OOSP4A: variants seen among roughly 807,000 people sequenced by gnomAD.
OOSP4A encodes oocyte secreted protein family member 4A, also known as oocyte-secreted protein 4A.
At chr11:59,966,577 G>A (rs1157623735) in intron 2 of OOSP4A, among the ~76,000 whole-genome samples, 1 of 151,916 alleles carries the variant, frequency 6.6e-6, no homozygotes, top group Non-Finnish European at 1.5e-5. Context: ...CCGTGTTCAA[G>A]CAATTCTCCT....
chr11:59,964,862 AG>A (rs1463947302), intron 1 of OOSP4A, among the ~76,000 whole-genome samples: 2 of 152,122 alleles, frequency 1.3e-5, no homozygotes, highest in African/African-American at 4.8e-5. Context: ...TATTGTGTGC[AG>A]CCAAATGTAA....
intron 4 of OOSP4A, among the ~76,000 whole-genome samples, chr11:59,969,687 A>G (rs1040420371): frequency 3.3e-5 from 5 of 152,240 alleles, no homozygotes; most frequent in Non-Finnish European, 5.9e-5. Context: ...CAAATGAGCC[A>G]TAAGAATATT....
Position 59,965,970 on chromosome 11 carries a change from T to TG in OOSP4A, c.246+258dup, listed in dbSNP as rs199862309. Among the ~76,000 whole-genome samples, 332 of 152,072 alleles carry TG rather than the reference T, an allele frequency of 2.2e-3. 2 individuals carry two copies. The highest frequency in any genetic ancestry group is 7.6e-3 in the African/African-American group (313 of 41,356). On this transcript the variant is annotated intron_variant, in intron 2 of 4. Transcript: ENST00000645590. ...AACATATCTCTTTTGCCTGTGATAG[T>TG]GTTTTTTTTGTTGTTGTTGTTGTTT...
chr11:59,964,529 G>A (rs1854077686), intron 1 of OOSP4A, among the ~76,000 whole-genome samples: 1 of 152,046 alleles, frequency 6.6e-6, no homozygotes, highest in Admixed American at 6.6e-5. Context: ...GTATTCAATT[G>A]TATATGATTC....
chr11:59,966,910 C>T (rs956017160), intron 2 of OOSP4A, among the ~76,000 whole-genome samples, 157 bp from the exon 3 acceptor site: 1 of 152,252 alleles, frequency 6.6e-6, no homozygotes, highest in East Asian at 1.9e-4. Context: ...CTTAGCTCTG[C>T]TCTTCTATTG....
At chr11:59,967,071 A>G in exon 3 of OOSP4A, 1 of 398,180 alleles carries the variant, frequency 2.5e-6, no homozygotes, top group Non-Finnish European at 4.4e-6. Flanking sequence ...CTTTAGGAAC[A>G]TGGAGTAGGT....
chr11:59,969,475 T>A (rs1854134529), intron 4 of OOSP4A, among the ~76,000 whole-genome samples, 191 bp downstream of exon 4: 1 of 152,248 alleles, frequency 6.6e-6, no homozygotes, highest in Admixed American at 6.5e-5. Flanking sequence ...TTTCTCATTA[T>A]TTCCTTACAT....
intron 1 of OOSP4A, among the ~76,000 whole-genome samples, chr11:59,965,158 G>T (rs1854085633): frequency 9.8e-6 from 1 of 102,184 alleles, no homozygotes; most frequent in East Asian, 3.6e-4. Context: ...GGGGAGGGGG[G>T]AGGGGGGAGG....
chr11:59,969,648 A>G (rs1342173461), intron 4 of OOSP4A, among the ~76,000 whole-genome samples: 1 of 152,176 alleles, frequency 6.6e-6, no homozygotes, highest in Non-Finnish European at 1.5e-5. Flanking sequence ...TTTTGTTCTA[A>G]AAGAACTAAA....
chr11:59,966,731 T>G (rs1347853827), intron 2 of OOSP4A, among the ~76,000 whole-genome samples: 3 of 152,070 alleles, frequency 2.0e-5, no homozygotes, highest in Non-Finnish European at 4.4e-5. Flanking sequence ...ACCTCTGCCT[T>G]CCAAAGCGCT....
chr11:59,969,881 T>C (rs1038807220), intron 4 of OOSP4A, among the ~76,000 whole-genome samples, 168 bp from the exon 5 acceptor site: 4 of 152,210 alleles, frequency 2.6e-5, no homozygotes, highest in Admixed American at 1.3e-4. Flanking sequence ...TATACATGTG[T>C]ATATATCGTA....
rs940451818 is a variant in OOSP4A at position 59,965,186 on chromosome 11, T to C, written c.68-349T>C. Among the ~76,000 whole-genome samples the C allele has an allele frequency of 2.7e-5, 4 of 149,476 alleles. No homozygotes were observed. The South Asian group carries it at 6.5e-4, about 24-fold the overall frequency. ...GGGGGAGGGATAGCATTAGGAGATATACCTAATGTTAAATGACGAGTTAAT... is the reference window on the plus strand; with the variant it reads ...GGGGGAGGGATAGCATTAGGAGATACACCTAATGTTAAATGACGAGTTAAT... On this transcript the variant is annotated intron_variant, in intron 1 of 4. Coordinates refer to ENST00000645590, the Ensembl canonical transcript of OOSP4A.
rs535169007 is a variant in OOSP4A, at chr11:59,966,312, A to G, written c.246+599A>G. ...TTGGATCCAAGTACATGACTTTATC[A>G]TTTGTTTGCTGCTGTATCTCTAGTC... On this transcript the variant is annotated intron_variant, in intron 2 of 4. Coordinates refer to ENST00000645590, the Ensembl canonical transcript of OOSP4A. Among the ~76,000 whole-genome samples, 10 of 151,408 alleles carry G rather than the reference A, an allele frequency of 6.6e-5. No homozygotes were observed. In the South Asian group the frequency reaches 2.1e-3, roughly 32 times the overall value.
At chr11:59,967,151 T>A (rs1380388028) in exon 3 of OOSP4A, 2 of 398,038 alleles carry the variant, frequency 5.0e-6, no homozygotes, top group East Asian at 3.6e-5. Context: ...CCCAGTATCA[T>A]GCTATGTGCA....
downstream of OOSP4A, chr11:59,970,184 A>G: frequency 2.5e-6 from 1 of 397,480 alleles, no homozygotes; most frequent in Non-Finnish European, 4.4e-6. Context: ...GCCTTTTAGA[A>G]GTTGGACTAG....
intron 3 of OOSP4A, among the ~76,000 whole-genome samples, chr11:59,968,062 T>C (rs1205640017): frequency 6.6e-6 from 1 of 152,204 alleles, no homozygotes; most frequent in Non-Finnish European, 1.5e-5. Context: ...ACTTGGGTTT[T>C]CTTTAAGACT....
At chr11:59,964,039 A>C (rs1308921448) in exon 1 of OOSP4A, 1 of 397,316 alleles carries the variant, frequency 2.5e-6, no homozygotes, top group Non-Finnish European at 4.4e-6. Context: ...AGCAATGAAG[A>C]TCTCTTGTGT....
chr11:59,969,840 T>C (rs56135939), intron 4 of OOSP4A, among the ~76,000 whole-genome samples: 1,592 of 152,304 alleles, frequency 0.01, 30 homozygotes, highest in African/African-American at 0.035. Context: ...TGTTAACTAA[T>C]AGCTACATAT....
intron 3 of OOSP4A, among the ~76,000 whole-genome samples, chr11:59,968,506 C>G (rs762398536): frequency 8.5e-5 from 13 of 152,174 alleles, no homozygotes; most frequent in Non-Finnish European, 1.5e-4. Flanking sequence ...CACAGGTATT[C>G]TTGAGTGAAA....
Sources: allele counts gnomAD v4.1 joint callset (sites outside exome capture counted in the v4.1 genomes callset), GRCh38; gene constraint gnomAD v4.1.1; transcripts MANE v1.5; gene names NCBI Gene and HGNC (gene_info 2026-07-23, HGNC 2026-07-21).